The following DGKB variants were observed in gnomAD, a reference collection of about 807,000 sequenced individuals.
The protein encoded by DGKB is 90 kDa diacylglycerol kinase.
In DGKB, 67 loss-of-function variants were observed where a neutral mutation model predicts 114.3. The observed-to-expected ratio is 0.59, with a 90% CI of 0.48 to 0.72. DGKB has a LOEUF of 0.72. Ranked by LOEUF, DGKB falls within the 30% of genes least tolerant of loss-of-function variation. DGKB has a pLI of 0.00. For synonymous variants in DGKB, 398 were observed against 323.1 expected (o/e 1.23, Z -2.49); for missense variants, 907 against 975.2 (o/e 0.93, Z 0.93).
chr7:14,235,226 A>G (rs2128350014), intron 23 of DGKB, among the ~76,000 whole-genome samples: 1 of 152,206 alleles, frequency 6.6e-6, no homozygotes, highest in Middle Eastern at 3.4e-3. Context: ...AGCCAAGACT[A>G]GAAATCACTT....
At chr7:14,321,607 A>G (rs1042842120) in intron 23 of DGKB, among the ~76,000 whole-genome samples, 2 of 151,486 alleles carry the variant, frequency 1.3e-5, no homozygotes, top group African/African-American at 2.4e-5. Context: ...AAATAAGAAA[A>G]AAAAAAAAAA....
chr7:14,818,148 T>G (rs1844423186), intron 2 of DGKB, among the ~76,000 whole-genome samples: 1 of 152,182 alleles, frequency 6.6e-6, no homozygotes, highest in Non-Finnish European at 1.5e-5. Flanking sequence ...GCCTTATACC[T>G]GTATATGCTC....
chr7:14,820,049 G>C (rs754747581), intron 2 of DGKB, among the ~76,000 whole-genome samples: 7 of 152,144 alleles, frequency 4.6e-5, no homozygotes, highest in Non-Finnish European at 1.0e-4. Flanking sequence ...AAAGAAAAGA[G>C]AGGTAGAAAT....
intron 21 of DGKB, among the ~76,000 whole-genome samples, chr7:14,472,067 T>A (rs965712908): frequency 6.6e-6 from 1 of 152,216 alleles, no homozygotes; most frequent in Non-Finnish European, 1.5e-5. Flanking sequence ...TAACTTCTTT[T>A]AGTTTATTCT....
chr7:14,225,418 A>G (rs1790639878), intron 23 of DGKB, among the ~76,000 whole-genome samples: 1 of 152,082 alleles, frequency 6.6e-6, no homozygotes, highest in Non-Finnish European at 1.5e-5. Context: ...TGTTGCCCCT[A>G]AGACCATAAG....
chr7:14,484,306 C>T (rs1194060826), intron 20 of DGKB, among the ~76,000 whole-genome samples: 3 of 152,172 alleles, frequency 2.0e-5, no homozygotes, highest in South Asian at 2.1e-4. Flanking sequence ...TTTATTTTAA[C>T]GCGACAATAT....
chr7:14,365,778 TA>T (rs199979895), intron 21 of DGKB, among the ~76,000 whole-genome samples: 316 of 152,122 alleles, frequency 2.1e-3, no homozygotes, highest in African/African-American at 7.2e-3. Flanking sequence ...TTGTTTTCTG[TA>T]AAAAAATATA....
At chr7:14,715,402 T>G (rs1244891311) in intron 6 of DGKB, among the ~76,000 whole-genome samples, 2 of 152,082 alleles carry the variant, frequency 1.3e-5, no homozygotes, top group African/African-American at 4.8e-5. Context: ...TAAAGTACTA[T>G]GGAGCACTTG....
chr7:14,752,108 A>G (rs945014561), intron 4 of DGKB, among the ~76,000 whole-genome samples: 1 of 152,184 alleles, frequency 6.6e-6, no homozygotes, highest in African/African-American at 2.4e-5. Context: ...AATTCGGTTC[A>G]GTCAGACTCC....
At chr7:14,540,713 TTCATTTTC>T (rs1793284399) in intron 20 of DGKB, among the ~76,000 whole-genome samples, 1 of 152,214 alleles carries the variant, frequency 6.6e-6, no homozygotes, top group Non-Finnish European at 1.5e-5. Context: ...CAAGTTTTGT[TTCATTTTC>T]TACAAATTGT....
intron 20 of DGKB, among the ~76,000 whole-genome samples, chr7:14,528,896 C>A (rs1032418638): frequency 6.6e-6 from 1 of 151,768 alleles, no homozygotes; most frequent in Non-Finnish European, 1.5e-5. Flanking sequence ...TGTGATATGA[C>A]AAATAACTTG....
chr7:14,292,762 A>C (rs10233920), intron 23 of DGKB, among the ~76,000 whole-genome samples: 13,488 of 152,202 alleles, frequency 0.089, 686 homozygotes, highest in East Asian at 0.16. Context: ...GTCTGATTTG[A>C]AGCCATGAAA....
In DGKB at chr7:14,358,069, C is replaced by G. The variant is rs531222234; in HGVS notation, c.1836-12678G>C. On this transcript the variant is annotated intron_variant, in intron 21 of 25. Transcript: ENST00000402815. Reference sequence around the variant, plus strand: ...CTTGGTGAATCTGACAATTATGTGTCTTGGGGTTGCTCTTCTCAAGGAGTA... The same window carrying G: ...CTTGGTGAATCTGACAATTATGTGTGTTGGGGTTGCTCTTCTCAAGGAGTA... 6.9e-4 allele frequency among the ~76,000 whole-genome samples: 105 copies of G among 152,130 alleles called. 1 individual carries two copies. The highest frequency in any genetic ancestry group is 1.2e-3 in the Non-Finnish European group (84 of 68,016).
At chr7:14,241,705 T>A (rs1197081146) in intron 23 of DGKB, among the ~76,000 whole-genome samples, 1 of 151,978 alleles carries the variant, frequency 6.6e-6, no homozygotes, top group Admixed American at 6.6e-5. Flanking sequence ...TATAAATACA[T>A]CATGAGAACA....
intron 21 of DGKB, among the ~76,000 whole-genome samples, chr7:14,401,048 C>T (rs1036094626): frequency 2.0e-5 from 3 of 151,828 alleles, no homozygotes; most frequent in African/African-American, 7.2e-5. Context: ...GCAGCCAACA[C>T]CTTGCATGAC....
At chr7:14,810,261 T>G (rs1327064487) in intron 2 of DGKB, among the ~76,000 whole-genome samples, 1 of 152,336 alleles carries the variant, frequency 6.6e-6, no homozygotes, top group East Asian at 1.9e-4. Context: ...TGACCTATTG[T>G]CTAGTTTCTA....
intron 23 of DGKB, among the ~76,000 whole-genome samples, chr7:14,259,337 T>C (rs1278932895): frequency 1.3e-5 from 2 of 151,940 alleles, no homozygotes; most frequent in Non-Finnish European, 2.9e-5. Context: ...ATTAAATCTT[T>C]CGTGTTCATT....
chr7:14,531,990 G>C (rs932279386), intron 20 of DGKB, among the ~76,000 whole-genome samples: 1 of 150,948 alleles, frequency 6.6e-6, no homozygotes, highest in Non-Finnish European at 1.5e-5. Flanking sequence ...AATGAAGTTA[G>C]GCCTTCCCTT....
intron 1 of DGKB, among the ~76,000 whole-genome samples, chr7:14,872,643 C>T (rs1161045914): frequency 1.3e-5 from 2 of 152,000 alleles, no homozygotes; most frequent in Admixed American, 1.3e-4. Flanking sequence ...TAAGTTGTTG[C>T]AAAAATTCTG....
Sources: allele counts gnomAD v4.1 joint callset (sites outside exome capture counted in the v4.1 genomes callset), GRCh38; gene constraint gnomAD v4.1.1; transcripts MANE v1.5; gene names NCBI Gene and HGNC (gene_info 2026-07-23, HGNC 2026-07-21).